The following MAML2 variants were observed in gnomAD, a reference collection of about 807,000 sequenced individuals.
The protein encoded by MAML2 is mastermind like transcriptional coactivator 2.
In MAML2, 22 loss-of-function variants were observed where a neutral mutation model predicts 96.1. The ratio of observed to expected loss-of-function variants is 0.23; its 90% CI spans 0.16 to 0.33. The LOEUF is 0.33. MAML2 is among the 10% of genes least tolerant of loss of function. The probability of loss-of-function intolerance (pLI) is 1.00; values close to 1 mark genes in which losing one functional copy is unlikely to be tolerated. For missense variants in MAML2, 1,367 were observed against 1,392.4 expected (o/e 0.98, Z 0.29); for synonymous variants, 561 against 521.3 (o/e 1.08, Z -1.04).
intron 4 of MAML2, among the ~76,000 whole-genome samples, chr11:95,983,758 G>A (rs1040249982): frequency 2.0e-5 from 3 of 151,982 alleles, no homozygotes; most frequent in African/African-American, 7.3e-5. Context: ...ATATAGAGAA[G>A]AAATATTTTT....
intron 1 of MAML2, among the ~76,000 whole-genome samples, chr11:96,140,535 A>G (rs1441986246): frequency 6.6e-6 from 1 of 152,196 alleles, no homozygotes; most frequent in African/African-American, 2.4e-5. Flanking sequence ...AACCATAAGA[A>G]GCTACTCTCT....
intron 1 of MAML2, among the ~76,000 whole-genome samples, chr11:96,235,851 T>C (rs1862360148): frequency 6.6e-6 from 1 of 152,222 alleles, no homozygotes; most frequent in African/African-American, 2.4e-5. Flanking sequence ...TGTATCACAG[T>C]CATACCAGAA....
At chr11:96,047,468 A>G (rs1858920288) in intron 2 of MAML2, among the ~76,000 whole-genome samples, 1 of 152,236 alleles carries the variant, frequency 6.6e-6, no homozygotes, top group Non-Finnish European at 1.5e-5. Context: ...TTGAGGATTC[A>G]TTGGAAATTT....
intron 1 of MAML2, among the ~76,000 whole-genome samples, chr11:96,312,219 C>CAAAAAA (rs34658278): frequency 0.18 from 9,258 of 51,374 alleles, 1,495 homozygotes; most frequent in Non-Finnish European, 0.21. Flanking sequence ...GACTCTATCT[C>CAAAAAA]AAAAAAAAAA....
At chr11:96,091,170 T>C (rs141597232) in intron 2 of MAML2, among the ~76,000 whole-genome samples, 5 of 152,340 alleles carry the variant, frequency 3.3e-5, no homozygotes, top group African/African-American at 9.6e-5. Flanking sequence ...ATTTTTTTTA[T>C]CTGTAGTCGT....
At chr11:96,028,157 T>C (rs568585645) in intron 2 of MAML2, among the ~76,000 whole-genome samples, 3 of 152,354 alleles carry the variant, frequency 2.0e-5, no homozygotes, top group South Asian at 4.1e-4. Flanking sequence ...TGAGTATAAA[T>C]GGTAAGTATT....
chr11:96,207,476 A>C (rs1246851718), intron 1 of MAML2, among the ~76,000 whole-genome samples: 1 of 152,244 alleles, frequency 6.6e-6, no homozygotes, highest in Non-Finnish European at 1.5e-5. Context: ...GTGCAACTAC[A>C]TAACTGCCTG....
chr11:96,064,577 A>T (rs11021411), intron 2 of MAML2, among the ~76,000 whole-genome samples: 122,053 of 152,106 alleles, frequency 0.8, 49,590 homozygotes, highest in Non-Finnish European at 0.86. Flanking sequence ...ATCTTTGGGG[A>T]TCTTTCCACC....
intron 4 of MAML2, among the ~76,000 whole-genome samples, chr11:95,980,180 AAG>A (rs1857715657): frequency 6.6e-6 from 1 of 152,206 alleles, no homozygotes; most frequent in South Asian, 2.1e-4. Context: ...ATATTACAAA[AAG>A]AAGACTAAAA....
At chr11:96,141,587 G>A (rs1355020336) in intron 1 of MAML2, among the ~76,000 whole-genome samples, 1 of 152,076 alleles carries the variant, frequency 6.6e-6, no homozygotes, top group East Asian at 1.9e-4. Context: ...TGAGAGCCAA[G>A]GTAAATGAGT....
chr11:96,296,399 C>T (rs1863300574), intron 1 of MAML2, among the ~76,000 whole-genome samples: 1 of 152,178 alleles, frequency 6.6e-6, no homozygotes, highest in Non-Finnish European at 1.5e-5. Context: ...AATCCCAGCA[C>T]TTTGGGAGGC....
At chr11:96,272,263 G>T (rs1006947192) in intron 1 of MAML2, among the ~76,000 whole-genome samples, 13 of 152,150 alleles carry the variant, frequency 8.5e-5, no homozygotes, top group African/African-American at 3.1e-4. Context: ...GCCTACTACA[G>T]TGCCTGGCAT....
chr11:96,257,032 TA>T (rs1428074783), intron 1 of MAML2, among the ~76,000 whole-genome samples: 1 of 152,186 alleles, frequency 6.6e-6, no homozygotes, highest in Non-Finnish European at 1.5e-5. Flanking sequence ...GATTACCTTG[TA>T]AAAATACAGT....
At chr11:96,140,038 G>C (rs1025520095) in intron 1 of MAML2, among the ~76,000 whole-genome samples, 2 of 152,206 alleles carry the variant, frequency 1.3e-5, no homozygotes, top group African/African-American at 4.8e-5. Flanking sequence ...CAAGTAAATT[G>C]CTGCTGAGGC....
chr11:96,285,708 AAC>A (rs1863129277), intron 1 of MAML2, among the ~76,000 whole-genome samples: 1 of 152,164 alleles, frequency 6.6e-6, no homozygotes, highest in Admixed American at 6.6e-5. Context: ...AGGGGGCCAA[AAC>A]ACATATGAAA....
At chr11:96,231,619 G>A (rs771139070) in intron 1 of MAML2, among the ~76,000 whole-genome samples, 7 of 152,138 alleles carry the variant, frequency 4.6e-5, no homozygotes, top group Non-Finnish European at 8.8e-5. Context: ...GGAAACTGCC[G>A]ACTATATTTA....
intron 1 of MAML2, among the ~76,000 whole-genome samples, chr11:96,287,697 C>T (rs1565273901): frequency 6.6e-6 from 1 of 152,086 alleles, no homozygotes; most frequent in African/African-American, 2.4e-5. Flanking sequence ...AATTGAACTA[C>T]AAAACAAAAT....
chr11:96,305,082 C>T (rs531820664), intron 1 of MAML2, among the ~76,000 whole-genome samples: 2 of 152,258 alleles, frequency 1.3e-5, no homozygotes, highest in East Asian at 1.9e-4. Flanking sequence ...AAAATATATA[C>T]ACTTTAATCC....
intron 1 of MAML2, among the ~76,000 whole-genome samples, chr11:96,300,716 GA>G (rs1322776425): frequency 1.3e-5 from 2 of 152,188 alleles, no homozygotes; most frequent in Admixed American, 1.3e-4. Flanking sequence ...GGAAGAAAGG[GA>G]GGATCCCTGT....
Sources: allele counts gnomAD v4.1 joint callset (sites outside exome capture counted in the v4.1 genomes callset), GRCh38; gene constraint gnomAD v4.1.1; transcripts MANE v1.5; gene names NCBI Gene and HGNC (gene_info 2026-07-23, HGNC 2026-07-21).